The following NAALADL2 variants were observed in gnomAD, a reference collection of about 807,000 sequenced individuals.
NAALADL2 encodes N-acetylated alpha-linked acidic dipeptidase like 2.
In NAALADL2, 76 loss-of-function variants were observed where a neutral mutation model predicts 87.2. The observed-to-expected ratio is 0.87, with a 90% confidence interval of 0.72 to 1.05. NAALADL2 has a LOEUF of 1.05. NAALADL2 is among the 50% of genes least tolerant of loss of function. The probability of loss-of-function intolerance (pLI) is 0.00; values close to 1 mark genes in which losing one functional copy is unlikely to be tolerated. For missense variants in NAALADL2, 1,089 were observed against 945.8 expected, an observed-to-expected ratio of 1.15 and a Z score of -1.99; for synonymous variants, 354 against 331.0, an observed-to-expected ratio of 1.07 and a Z score of -0.75.
intron 1 of NAALADL2, among the ~76,000 whole-genome samples, chr3:174,928,997 GTTAA>G (rs1220216474): frequency 1.3e-5 from 2 of 152,180 alleles, no homozygotes; most frequent in Admixed American, 6.5e-5. Flanking sequence ...ATAAGAAATA[GTTAA>G]TTAGATATTT....
chr3:175,269,221 G>A (rs1752435228), intron 4 of NAALADL2, among the ~76,000 whole-genome samples: 1 of 152,090 alleles, frequency 6.6e-6, no homozygotes, highest in Admixed American at 6.6e-5. Context: ...TTACAGGTGT[G>A]AGCCACAGCA....
intron 2 of NAALADL2, among the ~76,000 whole-genome samples, chr3:174,698,788 C>A (rs958699659): frequency 8.5e-6 from 1 of 118,272 alleles, no homozygotes; most frequent in East Asian, 3.7e-4. Flanking sequence ...GGCGTGAACC[C>A]GGGAGGCGGA....
chr3:175,328,862 GAAAGT>G (rs1761070958), intron 5 of NAALADL2, among the ~76,000 whole-genome samples: 3 of 152,112 alleles, frequency 2.0e-5, no homozygotes, highest in Non-Finnish European at 2.9e-5. Flanking sequence ...TAAAAAATAA[GAAAGT>G]AAAAAATATG....
intron 9 of NAALADL2, among the ~76,000 whole-genome samples, chr3:175,515,866 T>C (rs2112044): frequency 0.65 from 99,064 of 152,122 alleles, 35,204 homozygotes; most frequent in East Asian, 0.86. Context: ...ATCATATGCC[T>C]GTACCTAAGT....
At chr3:174,873,941 A>G (rs1009330046) in intron 1 of NAALADL2, among the ~76,000 whole-genome samples, 6 of 151,960 alleles carry the variant, frequency 3.9e-5, no homozygotes, top group Non-Finnish European at 5.9e-5. Context: ...AGAATAAGAA[A>G]CCAGTTGTAC....
chr3:175,457,856 G>A (rs1722551716), intron 6 of NAALADL2, among the ~76,000 whole-genome samples: 1 of 144,246 alleles, frequency 6.9e-6, no homozygotes, highest in Non-Finnish European at 1.5e-5. Flanking sequence ...CCACTGTAAA[G>A]AAGAGATTTT....
chr3:175,102,228 C>G (rs1347236321), intron 2 of NAALADL2, among the ~76,000 whole-genome samples: 2 of 152,234 alleles, frequency 1.3e-5, no homozygotes, highest in South Asian at 2.1e-4. Flanking sequence ...CCAATTGTGC[C>G]TATTTAATTA....
chr3:175,152,293 C>G (rs941948802), intron 2 of NAALADL2, among the ~76,000 whole-genome samples: 4 of 152,076 alleles, frequency 2.6e-5, no homozygotes, highest in African/African-American at 9.7e-5. Context: ...TTGCCCTTGT[C>G]CCTAATAGGC....
At chr3:175,662,248 A>T (rs1054098154) in intron 11 of NAALADL2, among the ~76,000 whole-genome samples, 1 of 151,650 alleles carries the variant, frequency 6.6e-6, no homozygotes, top group Non-Finnish European at 1.5e-5. Flanking sequence ...TTATTTATTT[A>T]TAGCGATTGT....
chr3:175,207,165 G>T (rs1741068764), intron 2 of NAALADL2, among the ~76,000 whole-genome samples: 1 of 152,030 alleles, frequency 6.6e-6, no homozygotes, highest in Non-Finnish European at 1.5e-5. Flanking sequence ...TTAATTAATA[G>T]ATGAATAACA....
At chr3:175,415,102 C>T (rs1459873390) in intron 5 of NAALADL2, among the ~76,000 whole-genome samples, 1 of 152,118 alleles carries the variant, frequency 6.6e-6, no homozygotes, top group Non-Finnish European at 1.5e-5. Flanking sequence ...TAATTGCCCT[C>T]ATTTATATAC....
At chr3:174,862,646 G>A (rs953511531) in intron 1 of NAALADL2, among the ~76,000 whole-genome samples, 1 of 151,928 alleles carries the variant, frequency 6.6e-6, no homozygotes, top group Non-Finnish European at 1.5e-5. Context: ...TATATTCAAG[G>A]GCACCTTCCT....
intron 9 of NAALADL2, among the ~76,000 whole-genome samples, chr3:175,543,148 T>G (rs1258752924): frequency 1.3e-5 from 2 of 152,208 alleles, no homozygotes; most frequent in Non-Finnish European, 2.9e-5. Context: ...CCTAATACCC[T>G]GTTTTTTCCA....
chr3:175,695,181 A>T (rs567903873), intron 11 of NAALADL2, among the ~76,000 whole-genome samples: 1 of 152,096 alleles, frequency 6.6e-6, no homozygotes, highest in Non-Finnish European at 1.5e-5. Flanking sequence ...ATGGTTTCCA[A>T]CAAGATTCTT....
chr3:174,563,821 C>T (rs1041436597), intron 2 of NAALADL2, among the ~76,000 whole-genome samples: 10 of 152,034 alleles, frequency 6.6e-5, no homozygotes, highest in Admixed American at 4.6e-4. Context: ...GCCTAGAATA[C>T]GGTCAATATT....
rs574326577 is a variant in NAALADL2, at chr3:175,063,716, A to G, written c.44-33074A>G. ...CAGGCTAGTCTCAAACTCTTAGGCT[A>G]AACCAATGCTCCTGCCTCTGCCTCC... On this transcript the variant is annotated intron_variant, in intron 1 of 13. Coordinates refer to ENST00000454872, the MANE Select transcript of NAALADL2 (RefSeq NM_207015.3). Among the ~76,000 whole-genome samples, 25 of 151,818 alleles carry G rather than the reference A, an allele frequency of 1.6e-4. No homozygotes were observed. In the South Asian group the frequency reaches 4.4e-3, roughly 27 times the overall value.
At chr3:175,797,615 C>T (rs970769225) in intron 13 of NAALADL2, among the ~76,000 whole-genome samples, 3 of 152,116 alleles carry the variant, frequency 2.0e-5, no homozygotes, top group Non-Finnish European at 2.9e-5. Context: ...TGCCTTTTGA[C>T]TGGCTATTGG....
At chr3:175,217,451 T>C (rs1742727698) in intron 2 of NAALADL2, among the ~76,000 whole-genome samples, 1 of 152,188 alleles carries the variant, frequency 6.6e-6, no homozygotes, top group Non-Finnish European at 1.5e-5. Flanking sequence ...TACCAAAAAT[T>C]AGTTCCAGCA....
At chr3:174,535,094 T>C (rs566577067) in intron 1 of NAALADL2, among the ~76,000 whole-genome samples, 1 of 152,338 alleles carries the variant, frequency 6.6e-6, no homozygotes, top group Admixed American at 6.5e-5. Context: ...TGCACACATT[T>C]AGCTTCTCAA....
Sources: gnomAD v4.1 joint callset for allele counts (sites outside exome capture counted in the v4.1 genomes callset) on GRCh38, gnomAD v4.1.1 for gene constraint, MANE v1.5 for transcripts, NCBI Gene and HGNC (gene_info 2026-07-23, HGNC 2026-07-21) for gene names.